The following SHROOM4 variants were observed in gnomAD, a reference collection of about 807,000 sequenced individuals.
SHROOM4 encodes protein Shroom4.
SHROOM4 carries 17 observed loss-of-function variants against 80.3 expected under a neutral mutation model. The ratio of observed to expected loss-of-function variants is 0.21; its 90% CI spans 0.14 to 0.32. SHROOM4 has a LOEUF of 0.32. Among genes scored for constraint, SHROOM4 ranks in the 10% least tolerant of loss-of-function variants. SHROOM4 has a pLI of 1.00. For missense variants in SHROOM4, 993 were observed against 1,140.3 expected (o/e 0.87, Z 1.86); for synonymous variants, 400 against 437.5 (o/e 0.91, Z 1.07).
intron 2 of SHROOM4, among the ~76,000 whole-genome samples, chrX:50,693,983 G>A (rs1254498875): frequency 1.8e-5 from 2 of 110,936 alleles, no homozygotes; most frequent in African/African-American, 6.6e-5. Flanking sequence ...TGTCTTTCTG[G>A]GCCTGCCTTA....
At chrX:50,597,434 A>G (rs1929165818) in intron 8 of SHROOM4, among the ~76,000 whole-genome samples, 1 of 111,876 alleles carries the variant, frequency 8.9e-6, no homozygotes, top group South Asian at 3.8e-4. Flanking sequence ...AGGTATATCC[A>G]AAGCCACCTG....
intron 2 of SHROOM4, among the ~76,000 whole-genome samples, chrX:50,683,275 A>C (rs1932983220): frequency 8.9e-6 from 1 of 112,005 alleles, no homozygotes. Context: ...CATAACATAA[A>C]GTGCAGGCTT....
intron 1 of SHROOM4, among the ~76,000 whole-genome samples, chrX:50,782,637 T>A (rs1425355019): frequency 8.9e-6 from 1 of 112,055 alleles, no homozygotes; most frequent in Non-Finnish European, 1.9e-5. Context: ...AAGTGATGTA[T>A]ACATACAATC....
intron 4 of SHROOM4, among the ~76,000 whole-genome samples, chrX:50,628,868 C>A (rs988311642): frequency 1.8e-5 from 2 of 112,336 alleles, no homozygotes; most frequent in African/African-American, 6.5e-5. Flanking sequence ...AGGTTTATTT[C>A]TTGGCTTCAG....
Position 50,767,334 on chromosome X carries a change from T to C in SHROOM4, c.117+46568A>G, listed in dbSNP as rs1266204597. Among the ~76,000 whole-genome samples the C allele has an allele frequency of 1.1e-4, 12 of 111,933 alleles. No individual in the cohort carries two copies. In the Admixed American group the frequency reaches 1.1e-3, roughly 11 times the overall value. ...TACCACACAATCTTATATTTTCATGTGTAAGGGTATCTGCCTATTCCACAT... is the reference window on the plus strand; with the variant it reads ...TACCACACAATCTTATATTTTCATGCGTAAGGGTATCTGCCTATTCCACAT... On this transcript the variant is annotated intron_variant, in intron 1 of 8. Coordinates refer to ENST00000376020, the MANE Select transcript of SHROOM4 (RefSeq NM_020717.5).
At chrX:50,667,854 T>C (rs1448649597) in intron 2 of SHROOM4, among the ~76,000 whole-genome samples, 1 of 111,602 alleles carries the variant, frequency 9.0e-6, no homozygotes, top group Non-Finnish European at 1.9e-5. Context: ...CTGGAAATAC[T>C]TGTGGGCACG....
chrX:50,814,158 A>G lies in SHROOM4; in HGVS notation c.-140T>C, dbSNP rs1263485147. 1 of 483,889 alleles carries G rather than the reference A, an allele frequency of 2.1e-6. No individual in the cohort carries two copies. Among genetic ancestry groups the G allele is most frequent in the African/African-American group, 2.4e-5 (1 of 41,681 alleles). 39.9% of individuals were successfully genotyped at this position (483,889 alleles called of 1,213,427 possible). On this transcript the variant is annotated 5_prime_UTR_variant, in exon 1 of 9. Transcript: ENST00000376020. The stretch of plus-strand genomic sequence containing the variant: ...GCTCCGCCTACTCTCCCGGCTGGAG[A>G]CGCTCAGGCAGCGAGCGAGCGCAAG...
At chrX:50,811,642 C>T (rs1293059003) in intron 1 of SHROOM4, among the ~76,000 whole-genome samples, 1 of 111,467 alleles carries the variant, frequency 9.0e-6, no homozygotes, top group African/African-American at 3.3e-5. Context: ...TATGCCAAAA[C>T]AGTGTCTTGT....
rs782807086 is a variant in SHROOM4 at position 50,595,798 on chromosome X, GA to G, written c.*896del. On this transcript the variant is annotated 3_prime_UTR_variant, in exon 9 of 9. Coordinates refer to ENST00000376020, the MANE Select transcript of SHROOM4 (RefSeq NM_020717.5). ...TCTTCTCGCCTTATTAGTTAAAAAAGAAAAAAATAATCAAAACATAAAAATA... is the reference window on the plus strand; with the variant it reads ...TCTTCTCGCCTTATTAGTTAAAAAAGAAAAAATAATCAAAACATAAAAATA... The G allele has an allele frequency of 1.1e-3, 324 of 307,786 alleles. No individual in the cohort carries two copies. Among genetic ancestry groups the G allele is most frequent in the Middle Eastern group, 3.3e-3 (3 of 907 alleles). The allele number at this position is 307,786 out of a possible 1,213,427, so 25.4% of individuals were successfully genotyped here.
At chrX:50,628,941 G>A (rs912282010) in intron 4 of SHROOM4, among the ~76,000 whole-genome samples, 14 of 111,765 alleles carry the variant, frequency 1.3e-4, no homozygotes, top group African/African-American at 4.6e-4. Flanking sequence ...CTAACCACTT[G>A]TACTTTAGAC....
downstream of SHROOM4, among the ~76,000 whole-genome samples, chrX:50,584,056 C>T (rs1928713038): frequency 8.9e-6 from 1 of 112,059 alleles, no homozygotes; most frequent in South Asian, 3.8e-4. Flanking sequence ...CTCTCTTGAG[C>T]TTTTGACTTC....
downstream of SHROOM4, among the ~76,000 whole-genome samples, chrX:50,586,091 AAT>A (rs1557244801): frequency 8.9e-6 from 1 of 111,835 alleles, no homozygotes; most frequent in Non-Finnish European, 1.9e-5. Context: ...AAGGTGCTTA[AAT>A]ATATAGTCAT....
chrX:50,697,408 G>A (rs918826581), intron 1 of SHROOM4, among the ~76,000 whole-genome samples: 1 of 111,560 alleles, frequency 9.0e-6, no homozygotes, highest in Non-Finnish European at 1.9e-5. Context: ...CACCATGGAA[G>A]TTATAATATT....
At position 50,761,037 on chromosome X, in the gene SHROOM4, T is replaced by A. The variant is rs189365082; in HGVS notation, c.117+52865A>T. Among the ~76,000 whole-genome samples the A allele has an allele frequency of 7.1e-5, 8 of 112,138 alleles. No individual in the cohort carries two copies. In the East Asian group the frequency reaches 2.2e-3, roughly 31 times the overall value. ...TTCTTTATTAAATTTTAAACCCTAT[T>A]TTTTTAACTTTTATTTTAGGTTCAG... is the stretch of plus-strand genomic sequence containing the variant. On this transcript the variant is annotated intron_variant, in intron 1 of 8. Coordinates refer to ENST00000376020, the MANE Select transcript of SHROOM4 (RefSeq NM_020717.5).
At chrX:50,602,201 C>T (rs944423662) in intron 7 of SHROOM4, among the ~76,000 whole-genome samples, 1 of 109,384 alleles carries the variant, frequency 9.1e-6, no homozygotes, top group African/African-American at 3.3e-5. Flanking sequence ...AAGCAATTCT[C>T]CTGTCTCAGC....
At chrX:50,677,440 T>C (rs1932868356) in intron 2 of SHROOM4, among the ~76,000 whole-genome samples, 1 of 111,237 alleles carries the variant, frequency 9.0e-6, no homozygotes, top group Admixed American at 9.6e-5. Context: ...AAAGGCATAA[T>C]TTTCTCTCTT....
At chrX:50,648,152 G>A (rs916221162) in intron 2 of SHROOM4, among the ~76,000 whole-genome samples, 6 of 111,876 alleles carry the variant, frequency 5.4e-5, no homozygotes, top group Non-Finnish European at 1.1e-4. Flanking sequence ...ATAGGTAAGA[G>A]ATAATGGTGG....
chrX:50,748,528 C>G (rs1557267829), intron 1 of SHROOM4, among the ~76,000 whole-genome samples: 1 of 111,101 alleles, frequency 9.0e-6, no homozygotes, highest in African/African-American at 3.3e-5. Context: ...GAGAGAGCAA[C>G]TCAAAACTGA....
chrX:50,692,734 T>C, intron 2 of SHROOM4, among the ~76,000 whole-genome samples: 1 of 111,629 alleles, frequency 9.0e-6, no homozygotes, highest in Non-Finnish European at 1.9e-5. Context: ...CTCCTATCCA[T>C]GTACATGGGC....
Sources: gnomAD v4.1 joint callset for allele counts (sites outside exome capture counted in the v4.1 genomes callset) on GRCh38, gnomAD v4.1.1 for gene constraint, MANE v1.5 for transcripts, NCBI Gene and HGNC (gene_info 2026-07-23, HGNC 2026-07-21) for gene names.